LIPA: variants seen among roughly 807,000 people sequenced by gnomAD.
The protein encoded by LIPA is lipase A, lysosomal acid type.
A neutral mutation model predicts 40.6 loss-of-function variants in LIPA; 26 were observed. That is an observed-to-expected ratio of 0.64 (90% CI 0.47 to 0.89). The LOEUF is 0.89. LIPA is among the 40% of genes least tolerant of loss of function. LIPA has a pLI of 0.00. For missense variants in LIPA, 455 were observed against 479.6 expected (o/e 0.95, Z 0.48); for synonymous variants, 188 against 168.4 (o/e 1.12, Z -0.90).
intron 2 of LIPA, among the ~76,000 whole-genome samples, chr10:89,394,003 T>A (rs1844296091): frequency 1.3e-5 from 2 of 152,248 alleles, no homozygotes; most frequent in Non-Finnish European, 2.9e-5. Flanking sequence ...TTCCATTTAA[T>A]TCTCAAAAGA....
At chr10:89,302,222 A>C in intron 1 of LIPA, 1 of 1,337,018 alleles carries the variant, frequency 7.5e-7, no homozygotes, top group Non-Finnish European at 1.1e-6. Context: ...GGCCAGCTCC[A>C]TTTTAGTGTT....
intron 2 of LIPA, among the ~76,000 whole-genome samples, chr10:89,406,946 G>A (rs1589644270): frequency 6.6e-6 from 1 of 152,248 alleles, no homozygotes; most frequent in Middle Eastern, 3.4e-3. Flanking sequence ...GAATTCGGGG[G>A]CTAAATACTG....
intron 2 of LIPA, among the ~76,000 whole-genome samples, chr10:89,397,729 A>G (rs1753686019): frequency 1.3e-5 from 2 of 152,078 alleles, no homozygotes; most frequent in Admixed American, 1.3e-4. Context: ...TCTACAAATT[A>G]TCTATTCACA....
At chr10:89,294,421 C>T (rs1843396414) in intron 1 of LIPA, among the ~76,000 whole-genome samples, 1 of 152,174 alleles carries the variant, frequency 6.6e-6, no homozygotes, top group South Asian at 2.1e-4. Context: ...CTGGGTCATC[C>T]CATGATGGAA....
chr10:89,234,093 C>G (rs1842875635), intron 3 of LIPA, among the ~76,000 whole-genome samples: 1 of 152,174 alleles, frequency 6.6e-6, no homozygotes, highest in Non-Finnish European at 1.5e-5. Context: ...GCCAGTGGGA[C>G]AAACATTTGA....
intron 1 of LIPA, among the ~76,000 whole-genome samples, chr10:89,248,144 C>T (rs1290972112): frequency 6.7e-6 from 1 of 149,166 alleles, no homozygotes; most frequent in Non-Finnish European, 1.5e-5. Flanking sequence ...GGATTACAGG[C>T]GTGAGCCACC....
intron 1 of LIPA, among the ~76,000 whole-genome samples, chr10:89,322,558 C>T (rs146451165): frequency 1.3e-5 from 2 of 151,822 alleles, no homozygotes; most frequent in Admixed American, 1.3e-4. Context: ...CCCTGAAACC[C>T]CTGCCCACCC....
intron 1 of LIPA, chr10:89,332,715 G>T: frequency 7.7e-7 from 1 of 1,291,174 alleles, no homozygotes; most frequent in Non-Finnish European, 1.1e-6. Flanking sequence ...GCTTAGAGAT[G>T]AAATATGCAT....
intron 3 of LIPA, among the ~76,000 whole-genome samples, chr10:89,238,708 C>CT (rs1842933863): frequency 6.6e-6 from 1 of 151,778 alleles, no homozygotes; most frequent in Non-Finnish European, 1.5e-5. Context: ...GTAAATACAT[C>CT]CTATTTTCCT....
intron 2 of LIPA, among the ~76,000 whole-genome samples, chr10:89,385,389 C>T (rs1844203475): frequency 6.6e-6 from 1 of 152,200 alleles, no homozygotes; most frequent in African/African-American, 2.4e-5. Flanking sequence ...TCTTCCACAA[C>T]ACATCCCTGC....
chr10:89,269,768 A>C lies in LIPA; in HGVS notation c.-1-22119T>G, dbSNP rs147971490. Among the ~76,000 whole-genome samples, 109 of 152,340 alleles carry C rather than the reference A, an allele frequency of 7.2e-4. 1 individual carries two copies. The highest frequency in any genetic ancestry group is 2.3e-3 in the African/African-American group (97 of 41,574). On this transcript the variant is annotated intron_variant, in intron 1 of 5. Transcript: ENST00000282673. ...TGACTCTCCATACTTTGCTGTATTA[A>C]AAATTTGGGGGAGGATGAGGTTTTT... is the stretch of plus-strand genomic sequence containing the variant.
At chr10:89,306,669 A>C in intron 1 of LIPA, 1 of 1,614,140 alleles carries the variant, frequency 6.2e-7, no homozygotes, top group Non-Finnish European at 8.5e-7. Context: ...TTAGTTGAAG[A>C]AGCCTTGGAG....
chr10:89,332,939 T>C (rs184487216), intron 1 of LIPA, among the ~76,000 whole-genome samples: 46 of 152,322 alleles, frequency 3.0e-4, no homozygotes, highest in African/African-American at 1.1e-3. Context: ...GGAGGGAAGT[T>C]ACTGGAGGTT....
Position 89,331,464 on chromosome 10 carries a change from T to A in LIPA, c.-2+11147A>T, listed in dbSNP as rs193130767. On this transcript the variant is annotated intron_variant, in intron 1 of 5. Transcript: ENST00000282673. The stretch of plus-strand genomic sequence containing the variant: ...CTGAGATTACAGGCGTGAGCCTCCG[T>A]GCCTGGCCAACATTTTCCATACAGA... Among the ~76,000 whole-genome samples the A allele has an allele frequency of 2.6e-5, 4 of 152,320 alleles. No homozygotes were observed. The East Asian group carries it at 7.7e-4, about 29-fold the overall frequency.
At chr10:89,402,954 C>T (rs781650221) in intron 2 of LIPA, 20 of 1,614,098 alleles carry the variant, frequency 1.2e-5, no homozygotes, top group Non-Finnish European at 1.6e-5. Context: ...TGCCCTGAAG[C>T]TTCAGGATGA....
At chr10:89,228,678 ATTATAAAATGTTTTTACAATTTTTTTC>A (rs1294427045) in intron 3 of LIPA, among the ~76,000 whole-genome samples, 5 of 152,238 alleles carry the variant, frequency 3.3e-5, no homozygotes, top group Admixed American at 6.5e-5. Flanking sequence ...TTTTTAAGAA[ATTATAAAATGTTTTTACAATTTTTTTC>A]TTATAAAATG....
intron 1 of LIPA, among the ~76,000 whole-genome samples, chr10:89,413,418 G>A (rs1841493339): frequency 6.6e-6 from 1 of 152,106 alleles, no homozygotes; most frequent in African/African-American, 2.4e-5. Flanking sequence ...AGTGATCAAG[G>A]TAGACAATAT....
chr10:89,226,780 C>T (rs1842774957), intron 5 of LIPA, 115 bp downstream of exon 5: 1 of 690,016 alleles, frequency 1.4e-6, no homozygotes, highest in Non-Finnish European at 2.6e-6. Context: ...TTCTGTTTGG[C>T]ATTTAAAAAT....
intron 1 of LIPA, chr10:89,284,972 C>T (rs1780386740): frequency 6.6e-6 from 1 of 152,218 alleles, no homozygotes; most frequent in Admixed American, 6.5e-5. Flanking sequence ...TTTCCACTAT[C>T]TACCCAAATC....
Sources: gnomAD v4.1 joint callset for allele counts (sites outside exome capture counted in the v4.1 genomes callset) on GRCh38, gnomAD v4.1.1 for gene constraint, MANE v1.5 for transcripts, NCBI Gene and HGNC (gene_info 2026-07-23, HGNC 2026-07-21) for gene names.